The following SKIL variants were observed in gnomAD, a reference collection of about 807,000 sequenced individuals.
The protein encoded by SKIL is ski-like protein.
SKIL carries 20 observed loss-of-function variants against 69.6 expected under a neutral mutation model. That is an observed-to-expected ratio of 0.29 (90% CI 0.20 to 0.42). The LOEUF (loss-of-function observed/expected upper bound fraction) is 0.42, where lower values mean the gene tolerates loss of function less well. Ranked by LOEUF, SKIL falls within the 10% of genes least tolerant of loss-of-function variation. The pLI is 1.00. For missense variants in SKIL, 745 were observed against 783.1 expected (o/e 0.95, Z 0.58); for synonymous variants, 310 against 279.9 (o/e 1.11, Z -1.08).
chr3:170,369,686 G>A (rs1180722733), intron 2 of SKIL, among the ~76,000 whole-genome samples: 1 of 152,204 alleles, frequency 6.6e-6, no homozygotes, highest in East Asian at 1.9e-4. Context: ...ACAGGCGTGA[G>A]CCACCGCACC....
chr3:170,361,437 T>C lies in SKIL; in HGVS notation c.1098+8T>C. ...AAGAGAAATCAATCCAAGGCAAGTT[T>C]TTTATATCAATTTTTAATAATGGTA... is the stretch of plus-strand genomic sequence containing the variant. On this transcript the variant is annotated splice_region_variant and intron_variant, in intron 2 of 6. Coordinates refer to ENST00000259119, the MANE Select transcript of SKIL (RefSeq NM_005414.5). 1 of 1,538,622 alleles carries C rather than the reference T, an allele frequency of 6.5e-7. No homozygotes were observed. The highest frequency in any genetic ancestry group is 2.2e-5 in the East Asian group (1 of 44,494).
At position 170,363,489 on chromosome 3, in the gene SKIL, A is replaced by AT. The variant is rs573141599; in HGVS notation, c.1098+2073dup. ...ATTCTTCAGGTGTAGTTATTAACTGATTTTTTTTTTTTTGAGACAGAGTTT... is the reference window on the plus strand; with the variant it reads ...ATTCTTCAGGTGTAGTTATTAACTGATTTTTTTTTTTTTTGAGACAGAGTTT... On this transcript the variant is annotated intron_variant, in intron 2 of 6. Coordinates refer to ENST00000259119, the MANE Select transcript of SKIL (RefSeq NM_005414.5). 4.5e-3 allele frequency among the ~76,000 whole-genome samples: 657 copies of AT among 145,808 alleles called. 5 individuals carry two copies. The highest frequency in any genetic ancestry group is 0.011 in the African/African-American group (439 of 40,028).
intron 2 of SKIL, among the ~76,000 whole-genome samples, chr3:170,368,025 C>T (rs947875449): frequency 9.2e-5 from 14 of 152,124 alleles, no homozygotes; most frequent in Admixed American, 8.5e-4. Flanking sequence ...TTTCTCCCCT[C>T]TTGCAAGCTT....
intron 2 of SKIL, among the ~76,000 whole-genome samples, chr3:170,375,760 G>T (rs1404199074): frequency 6.8e-6 from 1 of 146,686 alleles, no homozygotes; most frequent in Non-Finnish European, 1.5e-5. Flanking sequence ...AATTTTTTTT[G>T]TAGAGATGGG....
At chr3:170,386,625 GC>G (rs1274020150) in intron 4 of SKIL, among the ~76,000 whole-genome samples, 1 of 151,692 alleles carries the variant, frequency 6.6e-6, no homozygotes, top group African/African-American at 2.4e-5. Flanking sequence ...GTGCCACTGC[GC>G]CTGCCTCATT....
intron 1 of SKIL, chr3:170,357,982 T>A (rs1439962323): frequency 6.6e-6 from 1 of 152,330 alleles, no homozygotes; most frequent in African/African-American, 2.4e-5. Flanking sequence ...CCACGGCTGA[T>A]CACGCTTCGT....
intron 6 of SKIL, among the ~76,000 whole-genome samples, chr3:170,391,977 A>G (rs1737947272): frequency 6.6e-6 from 1 of 152,236 alleles, no homozygotes; most frequent in Non-Finnish European, 1.5e-5. Context: ...AACATGAACA[A>G]ATAACTAACA....
chr3:170,379,337 C>G (rs1450626936), intron 2 of SKIL, among the ~76,000 whole-genome samples: 2 of 151,900 alleles, frequency 1.3e-5, no homozygotes, highest in Non-Finnish European at 2.9e-5. Flanking sequence ...TGTTTTTTCC[C>G]TTGTTTAACT....
chr3:170,371,350 T>A (rs1342082803), intron 2 of SKIL, among the ~76,000 whole-genome samples: 1 of 150,898 alleles, frequency 6.6e-6, no homozygotes, highest in Non-Finnish European at 1.5e-5. Flanking sequence ...AAAATAATAA[T>A]AAAAAAAATA....
At chr3:170,358,646 G>A (rs201723876) in intron 1 of SKIL, 3 of 152,260 alleles carry the variant, frequency 2.0e-5, no homozygotes, top group East Asian at 3.8e-4. Flanking sequence ...CTGTTTTAAG[G>A]TAAAGTGCTG....
At chr3:170,385,953 C>G (rs1316236943) in intron 4 of SKIL, among the ~76,000 whole-genome samples, 1 of 151,714 alleles carries the variant, frequency 6.6e-6, no homozygotes, top group Non-Finnish European at 1.5e-5. Context: ...CCACCACACC[C>G]CGCTAATTTT....
intron 2 of SKIL, among the ~76,000 whole-genome samples, chr3:170,376,614 C>T (rs1387570252): frequency 6.6e-6 from 1 of 151,706 alleles, no homozygotes; most frequent in Admixed American, 6.6e-5. Flanking sequence ...CTGGCTCTGT[C>T]ACCCAGGCTG....
rs967683325 is a variant in SKIL at position 170,367,559 on chromosome 3, C to T, written c.1098+6130C>T. On this transcript the variant is annotated intron_variant, in intron 2 of 6. Transcript: ENST00000259119. ...TTGGCTCACTGCAACTTCCGCCTCCCAGGTTCAAGCAATTCTCCTGCCTCA... is the reference window on the plus strand; with the variant it reads ...TTGGCTCACTGCAACTTCCGCCTCCTAGGTTCAAGCAATTCTCCTGCCTCA... 2.6e-4 allele frequency among the ~76,000 whole-genome samples: 39 copies of T among 151,574 alleles called. 1 individual carries two copies.
Position 170,361,169 on chromosome 3 carries a change from T to A in SKIL, c.838T>A (p.Phe280Ile), listed in dbSNP as rs1468428218. Residue 280 changes from phenylalanine to isoleucine, a missense_variant, in exon 2 of 7, where the codon TTT becomes ATT. Physicochemically the swap from Phe to Ile is conservative, Grantham distance 21 (BLOSUM62 0). Coordinates refer to ENST00000259119, the MANE Select transcript of SKIL (RefSeq NM_005414.5). The part of the protein sequence containing the change: ...GKCQGLFAPQ[F>I]YVQPDAPCIQ... ...ATGTCAGGGTTTATTTGCACCCCAG[T>A]TTTATGTTCAGCCTGATGCTCCGTG... The A allele has an allele frequency of 4.3e-6, 7 of 1,614,110 alleles. No individual in the cohort carries two copies. In the Admixed American group the frequency reaches 5.0e-5, roughly 12 times the overall value.
intron 4 of SKIL, among the ~76,000 whole-genome samples, chr3:170,389,549 C>T (rs574276734): frequency 2.6e-5 from 4 of 151,058 alleles, no homozygotes; most frequent in East Asian, 2.0e-4. Flanking sequence ...CTCCTGACGT[C>T]GTGATCCGCC....
chr3:170,381,622 G>C (rs1737356377), intron 3 of SKIL, among the ~76,000 whole-genome samples: 1 of 151,462 alleles, frequency 6.6e-6, no homozygotes, highest in African/African-American at 2.4e-5. Flanking sequence ...TAGTATAGAT[G>C]GGGTTTCACA....
intron 2 of SKIL, among the ~76,000 whole-genome samples, chr3:170,373,878 C>T (rs1472112431): frequency 6.7e-6 from 1 of 150,268 alleles, no homozygotes; most frequent in Non-Finnish European, 1.5e-5. Context: ...GACCCTGTCT[C>T]AAGGGAAAAA....
intron 2 of SKIL, among the ~76,000 whole-genome samples, chr3:170,371,219 G>A (rs1490116284): frequency 6.6e-6 from 1 of 152,178 alleles, no homozygotes; most frequent in Non-Finnish European, 1.5e-5. Flanking sequence ...AGGAGTAGTA[G>A]GCCTGGTGCG....
rs748924498 is a variant in SKIL at position 170,387,759 on chromosome 3, T to TAAAAAAAAAAAA, written c.1430-2460_1430-2449dup. ...TAAAACGGTGAAACCCCGTCTCTAC[T>TAAAAAAAAAAAA]AAAAAAAAAAAAAAATACAAAAAAA... On this transcript the variant is annotated intron_variant, in intron 4 of 6. Transcript: ENST00000259119. Among the ~76,000 whole-genome samples the TAAAAAAAAAAAA allele has an allele frequency of 5.4e-4, 31 of 57,652 alleles. 1 individual carries two copies. The highest frequency in any genetic ancestry group is 1.4e-3 in the East Asian group (2 of 1,428). 37.8% of individuals were successfully genotyped at this position (57,652 alleles called of 152,430 possible). A position where few individuals can be genotyped will look rare whatever the true frequency, so the allele number is the denominator to read the frequency against.
Sources: gnomAD v4.1 joint callset for allele counts (sites outside exome capture counted in the v4.1 genomes callset) on GRCh38, gnomAD v4.1.1 for gene constraint, MANE v1.5 for transcripts, NCBI Gene and HGNC (gene_info 2026-07-23, HGNC 2026-07-21) for gene names.